RXFP1: variants seen among roughly 807,000 people sequenced by gnomAD.
RXFP1 encodes relaxin receptor 1.
A neutral mutation model predicts 89.8 loss-of-function variants in RXFP1; 73 were observed. That is an observed-to-expected ratio of 0.81 (90% confidence interval 0.67 to 0.99). RXFP1 has a LOEUF of 0.99. Among genes scored for constraint, RXFP1 ranks in the 50% least tolerant of loss-of-function variants. The pLI is 0.00. For missense variants in RXFP1, 793 were observed against 895.5 expected, an observed-to-expected ratio of 0.89 and a Z score of 1.46; for synonymous variants, 277 against 305.5, an observed-to-expected ratio of 0.91 and a Z score of 0.97.
intron 1 of RXFP1, among the ~76,000 whole-genome samples, chr4:158,559,528 G>A (rs1751996677): frequency 6.6e-6 from 1 of 152,042 alleles, no homozygotes; most frequent in Non-Finnish European, 1.5e-5. Flanking sequence ...TCCCAATACT[G>A]AGCTTTTTTC....
At chr4:158,525,797 T>G (rs1560939921) in intron 1 of RXFP1, among the ~76,000 whole-genome samples, 1 of 152,194 alleles carries the variant, frequency 6.6e-6, no homozygotes, top group Admixed American at 6.5e-5. Context: ...AAACAGAGAA[T>G]GAGAAATATT....
At chr4:158,606,974 A>G (rs1762644991) in intron 5 of RXFP1, 1 of 1,064,780 alleles carries the variant, frequency 9.4e-7, no homozygotes, top group East Asian at 2.6e-5. Context: ...TTATAATTTA[A>G]CTGAATGTTC....
intron 1 of RXFP1, among the ~76,000 whole-genome samples, chr4:158,551,216 A>T (rs1001961482): frequency 1.3e-5 from 2 of 152,226 alleles, no homozygotes; most frequent in African/African-American, 4.8e-5. Flanking sequence ...CCAGGCACAG[A>T]GAGACAACTA....
intron 1 of RXFP1, among the ~76,000 whole-genome samples, chr4:158,550,463 A>G (rs566322757): frequency 1.1e-4 from 17 of 152,302 alleles, no homozygotes; most frequent in African/African-American, 4.1e-4. Flanking sequence ...AGTGACCTGC[A>G]CCCACTGTCT....
chr4:158,634,360 A>G (rs544184392), intron 12 of RXFP1, among the ~76,000 whole-genome samples: 2 of 152,176 alleles, frequency 1.3e-5, no homozygotes, highest in South Asian at 2.1e-4. Context: ...TCATTTTTCA[A>G]TTGGATTGTT....
intron 6 of RXFP1, among the ~76,000 whole-genome samples, chr4:158,610,219 C>T (rs1370691010): frequency 6.6e-6 from 1 of 152,026 alleles, no homozygotes; most frequent in African/African-American, 2.4e-5. Flanking sequence ...GAGCCGAGAT[C>T]GCGCCACTGC....
chr4:158,523,519 C>T lies in RXFP1; in HGVS notation c.49+1494C>T, dbSNP rs1241804451. Among the ~76,000 whole-genome samples the T allele has an allele frequency of 3.3e-5, 5 of 152,038 alleles. No individual in the cohort carries two copies. In the South Asian group the frequency reaches 8.3e-4, roughly 25 times the overall value. ...AATAATGATGGTGGTGATGATGATG[C>T]CAAAACCCTCTGTCTCTTTAAATTT... On this transcript the variant is annotated intron_variant, in intron 1 of 17. Coordinates refer to ENST00000307765, the MANE Select transcript of RXFP1 (RefSeq NM_021634.4).
intron 4 of RXFP1, among the ~76,000 whole-genome samples, chr4:158,603,678 T>G (rs1437821940): frequency 6.6e-6 from 1 of 151,458 alleles, no homozygotes; most frequent in Non-Finnish European, 1.5e-5. Context: ...GATCACAAGG[T>G]CAGGAGTTCG....
At chr4:158,611,537 G>A (rs1411998306) in intron 6 of RXFP1, among the ~76,000 whole-genome samples, 1 of 152,100 alleles carries the variant, frequency 6.6e-6, no homozygotes, top group East Asian at 1.9e-4. Flanking sequence ...TTCTTAACTT[G>A]TCAGACTCTC....
intron 15 of RXFP1, 37 bp downstream of exon 15, chr4:158,645,175 G>T: frequency 1.4e-6 from 2 of 1,472,656 alleles, no homozygotes; most frequent in South Asian, 2.3e-5. Context: ...TTGTAGTTTT[G>T]AAATATACAA....
chr4:158,542,022 C>T lies in RXFP1; in HGVS notation c.49+19997C>T, dbSNP rs372405568. Among the ~76,000 whole-genome samples, 62 of 143,644 alleles carry T rather than the reference C, an allele frequency of 4.3e-4. No homozygotes were observed. In the East Asian group the frequency reaches 6.9e-3, roughly 16 times the overall value. 94.2% of individuals were successfully genotyped at this position (143,644 alleles called of 152,430 possible). On this transcript the variant is annotated intron_variant, in intron 1 of 17. Transcript: ENST00000307765. ...GCAACCTCCACCTCCTGGGTTCAAG[C>T]GATTCTTCTGCCTCAGCCTCCCGAG...
chr4:158,626,838 T>C lies in RXFP1; in HGVS notation c.774T>C (p.His258=), dbSNP rs1381267348. 1 of 1,568,946 alleles carries C rather than the reference T, an allele frequency of 6.4e-7. No homozygotes were observed. Among genetic ancestry groups the C allele is most frequent in the Middle Eastern group, 1.7e-4 (1 of 5,958 alleles). Residue 258 remains histidine, a synonymous_variant, in exon 10 of 18, where the codon CAT becomes CAC. Coordinates refer to ENST00000307765, the MANE Select transcript of RXFP1 (RefSeq NM_021634.4). ...RLHWLDLEGN[H]IHNLRNLTFI... The stretch of plus-strand genomic sequence containing the variant: ...GTTCCAGGGACCTTGAAGGCAACCA[T>C]ATCCATAATTTAAGAAATTTGACTT...
At chr4:158,610,246 C>T (rs745573965) in intron 6 of RXFP1, among the ~76,000 whole-genome samples, 1 of 152,144 alleles carries the variant, frequency 6.6e-6, no homozygotes, top group Non-Finnish European at 1.5e-5. Context: ...GCCTGGGCAT[C>T]AGAGTGAGAC....
chr4:158,586,971 C>T (rs1440331940), intron 2 of RXFP1, among the ~76,000 whole-genome samples: 1 of 152,042 alleles, frequency 6.6e-6, no homozygotes, highest in Non-Finnish European at 1.5e-5. Context: ...CTAAAGAAGC[C>T]GAGTGAAAGA....
intron 1 of RXFP1, among the ~76,000 whole-genome samples, chr4:158,560,282 A>G (rs776823652): frequency 6.6e-6 from 1 of 152,158 alleles, no homozygotes; most frequent in Non-Finnish European, 1.5e-5. Context: ...TAGCTCAGGG[A>G]TGATTTTTTT....
chr4:158,532,412 T>C (rs181127757), intron 1 of RXFP1, among the ~76,000 whole-genome samples: 24 of 152,278 alleles, frequency 1.6e-4, no homozygotes, highest in Non-Finnish European at 5.9e-5. Context: ...GAGGTGTCTT[T>C]TTGGTAGAAC....
intron 1 of RXFP1, among the ~76,000 whole-genome samples, chr4:158,546,841 T>A (rs1464825621): frequency 3.3e-5 from 5 of 152,256 alleles, no homozygotes; most frequent in Non-Finnish European, 7.3e-5. Flanking sequence ...TACTGCTGGA[T>A]TCGGTTTGCC....
At chr4:158,626,165 TA>T (rs1272487055) in intron 9 of RXFP1, among the ~76,000 whole-genome samples, 6 of 149,720 alleles carry the variant, frequency 4.0e-5, no homozygotes, top group Non-Finnish European at 7.5e-5. Flanking sequence ...GATAGATAGA[TA>T]GATAGATAGA....
rs1335015355 is a variant in RXFP1, at chr4:158,644,984, A to C, written c.1191A>C (p.Ser397=). ...GTAAACCAAACACTGATGGAATTTC[A>C]TCTCTAGAGAATCTCTTGGCAAGCA... The part of the protein sequence containing the change: ...RSCKPNTDGI[S]SLENLLASII... Residue 397 remains serine, a synonymous_variant, in exon 15 of 18, where the codon TCA becomes TCC. Transcript: ENST00000307765. 10 of 1,614,164 alleles carry C rather than the reference A, an allele frequency of 6.2e-6. No individual in the cohort carries two copies. In the East Asian group the frequency reaches 6.7e-5, roughly 11 times the overall value.
Sources: allele counts gnomAD v4.1 joint callset (sites outside exome capture counted in the v4.1 genomes callset), GRCh38; gene constraint gnomAD v4.1.1; transcripts MANE v1.5; gene names NCBI Gene and HGNC (gene_info 2026-07-23, HGNC 2026-07-21).